LUC7L2: variants seen among roughly 807,000 people sequenced by gnomAD.
The protein encoded by LUC7L2 is LUC7 like 2, pre-mRNA splicing factor.
Under a neutral mutation model 52.8 loss-of-function variants are expected in LUC7L2, and 25 were observed. That is an observed-to-expected ratio of 0.47 (90% CI 0.34 to 0.66). The LOEUF is 0.66. Ranked by LOEUF, LUC7L2 falls within the 30% of genes least tolerant of loss-of-function variation. The pLI is 0.01. For synonymous variants in LUC7L2, 144 were observed against 160.9 expected (o/e 0.89, Z 0.80); for missense variants, 328 against 497.8 (o/e 0.66, Z 3.25).
At chr7:139,419,255 G>A (rs761243500) in intron 9 of LUC7L2, among the ~76,000 whole-genome samples, 3 of 152,138 alleles carry the variant, frequency 2.0e-5, no homozygotes, top group Non-Finnish European at 4.4e-5. Flanking sequence ...TAGAATAAAT[G>A]ATCCGAGAGT....
At chr7:139,397,767 C>T (rs1178110928) in intron 2 of LUC7L2, among the ~76,000 whole-genome samples, 1 of 152,128 alleles carries the variant, frequency 6.6e-6, no homozygotes, top group East Asian at 1.9e-4. Context: ...TATTTTGTCT[C>T]AGATATGAGG....
chr7:139,370,977 C>G (rs2131202198), intron 1 of LUC7L2, among the ~76,000 whole-genome samples: 2 of 152,320 alleles, frequency 1.3e-5, no homozygotes. Flanking sequence ...CTCTCTAGCT[C>G]TAGCTTTCCT....
chr7:139,391,043 T>C (rs554807426), intron 2 of LUC7L2, among the ~76,000 whole-genome samples: 1 of 152,372 alleles, frequency 6.6e-6, no homozygotes, highest in East Asian at 1.9e-4. Context: ...TGTTTGAATT[T>C]TTTTCACTTG....
At position 139,368,068 on chromosome 7, in the gene LUC7L2, C is replaced by G. The variant is rs139279658; in HGVS notation, c.61+7746C>G. 2.5e-3 allele frequency among the ~76,000 whole-genome samples: 379 copies of G among 152,324 alleles called. 4 individuals carry two copies. The highest frequency in any genetic ancestry group is 8.6e-3 in the African/African-American group (356 of 41,572). On this transcript the variant is annotated intron_variant, in intron 1 of 9. Transcript: ENST00000354926. ...TAAATATTTTGAAAACTTCCTGTTA[C>G]AATTTAATTTACTCCATTGTGTTAG...
At chr7:139,342,216 C>T (rs1799017461) in intron 1 of LUC7L2, among the ~76,000 whole-genome samples, 1 of 152,106 alleles carries the variant, frequency 6.6e-6, no homozygotes, top group Non-Finnish European at 1.5e-5. Context: ...TGCTGCCCAC[C>T]TAAGGAGCCA....
intron 1 of LUC7L2, among the ~76,000 whole-genome samples, chr7:139,361,079 C>T (rs1197254918): frequency 1.3e-5 from 2 of 152,154 alleles, no homozygotes; most frequent in Non-Finnish European, 2.9e-5. Context: ...TCCTTTCAGG[C>T]GTTTAGTTTA....
intron 9 of LUC7L2, among the ~76,000 whole-genome samples, chr7:139,418,883 C>T (rs979039093): frequency 6.6e-6 from 1 of 152,000 alleles, no homozygotes; most frequent in Non-Finnish European, 1.5e-5. Context: ...TTTGGGAGAC[C>T]GAGATGGGCG....
At chr7:139,411,697 G>C (rs999404360) in intron 7 of LUC7L2, among the ~76,000 whole-genome samples, 3 of 152,152 alleles carry the variant, frequency 2.0e-5, no homozygotes, top group African/African-American at 7.2e-5. Flanking sequence ...AGCGTTACCT[G>C]TGTGCTAGGA....
chr7:139,398,568 G>A (rs771514427), intron 2 of LUC7L2, 31 bp from the exon 3 acceptor site: 2 of 1,559,268 alleles, frequency 1.3e-6, no homozygotes, highest in Non-Finnish European at 1.7e-6. Flanking sequence ...ACTTTTTTTT[G>A]TTTTAATATT....
At chr7:139,354,859 CTTTT>C (rs35111843) in intron 1 of LUC7L2, among the ~76,000 whole-genome samples, 1 of 142,362 alleles carries the variant, frequency 7.0e-6, no homozygotes, top group Non-Finnish European at 1.5e-5. Context: ...TCTTGCTGGA[CTTTT>C]TTTTTTTTTT....
Position 139,423,159 on chromosome 7 carries a change from C to CATT in LUC7L2, c.*824_*826dup. 2.5e-6 allele frequency: 1 copy of CATT among 398,956 alleles called. No individual in the cohort carries two copies. The highest frequency in any genetic ancestry group is 3.6e-5 in the East Asian group (1 of 28,074). The allele number at this position is 398,956 out of a possible 1,614,324, so 24.7% of individuals were successfully genotyped here. On this transcript the variant is annotated 3_prime_UTR_variant, in exon 10 of 10. Transcript: ENST00000354926. ...AAATGAAAGAAACAATCACCACCAC[C>CATT]ATTATTAAACTGTAACTTGTCTAGT... is the stretch of plus-strand genomic sequence containing the variant.
chr7:139,363,976 CTTTTTTTTTTTTT>C (rs1169793101), intron 1 of LUC7L2, among the ~76,000 whole-genome samples: 43 of 96,100 alleles, frequency 4.5e-4, no homozygotes, highest in African/African-American at 1.9e-3. Flanking sequence ...AGATTACATC[CTTTTTTTTTTTTT>C]TTTTTTTTTT....
At chr7:139,408,961 A>G (rs1021146005) in intron 6 of LUC7L2, among the ~76,000 whole-genome samples, 6 of 151,970 alleles carry the variant, frequency 3.9e-5, no homozygotes, top group African/African-American at 1.5e-4. Context: ...CAGCCTGGGC[A>G]ACATGGTGAA....
At chr7:139,406,384 A>T (rs1436328124) in intron 5 of LUC7L2, among the ~76,000 whole-genome samples, 5 of 125,338 alleles carry the variant, frequency 4.0e-5, no homozygotes, top group African/African-American at 1.3e-4. Context: ...ACAGAGTCTT[A>T]CTCTCTCTCC....
chr7:139,343,488 A>T (rs1799101011), intron 1 of LUC7L2, among the ~76,000 whole-genome samples: 1 of 152,142 alleles, frequency 6.6e-6, no homozygotes, highest in Admixed American at 6.6e-5. Flanking sequence ...AGGTGAGAGG[A>T]TCACTTGAGC....
At chr7:139,421,922 G>T (rs1356110928) in intron 9 of LUC7L2, among the ~76,000 whole-genome samples, 1 of 152,116 alleles carries the variant, frequency 6.6e-6, no homozygotes, top group Non-Finnish European at 1.5e-5. Flanking sequence ...GATGAGAGTA[G>T]CCTGTAAGAA....
At chr7:139,392,826 A>G (rs1041778417) in intron 2 of LUC7L2, among the ~76,000 whole-genome samples, 1 of 151,786 alleles carries the variant, frequency 6.6e-6, no homozygotes, top group Non-Finnish European at 1.5e-5. Flanking sequence ...CTAATTTTGT[A>G]TTTTTTTAGT....
At chr7:139,342,760 C>T (rs994038230) in intron 1 of LUC7L2, among the ~76,000 whole-genome samples, 1 of 152,142 alleles carries the variant, frequency 6.6e-6, no homozygotes, top group Admixed American at 6.5e-5. Context: ...TCAAACCTGG[C>T]CCCATTCTAA....
intron 1 of LUC7L2, among the ~76,000 whole-genome samples, chr7:139,342,893 C>T (rs1209345175): frequency 6.6e-6 from 1 of 152,180 alleles, no homozygotes; most frequent in Non-Finnish European, 1.5e-5. Flanking sequence ...CTCTGGAATG[C>T]ACTTGAGCAT....
Sources: allele counts gnomAD v4.1 joint callset (sites outside exome capture counted in the v4.1 genomes callset), GRCh38; gene constraint gnomAD v4.1.1; transcripts MANE v1.5; gene names NCBI Gene and HGNC (gene_info 2026-07-23, HGNC 2026-07-21).